Variants in BEST3 observed in about 807,000 individuals in gnomAD.
BEST3 encodes bestrophin 3.
Under a neutral mutation model 47.1 loss-of-function variants are expected in BEST3, and 50 were observed. The ratio of observed to expected loss-of-function variants is 1.06; its 90% CI spans 0.85 to 1.34. The LOEUF (loss-of-function observed/expected upper bound fraction) is 1.34. Among genes scored for constraint, BEST3 ranks in the 40% most tolerant of loss-of-function variants. The pLI is 0.00. For missense variants in BEST3, 765 were observed against 817.0 expected (o/e 0.94, Z 0.78); for synonymous variants, 282 against 298.8 (o/e 0.94, Z 0.58).
intron 7 of BEST3, among the ~76,000 whole-genome samples, chr12:69,673,583 G>A (rs149548474): frequency 5.2e-4 from 79 of 152,136 alleles, no homozygotes; most frequent in Middle Eastern, 3.4e-3. Flanking sequence ...GACTACAGGC[G>A]AGCACTATCA....
chr12:69,694,796 T>G lies in BEST3; in HGVS notation c.153-332A>C, dbSNP rs564909279. Reference sequence around the variant, plus strand: ...ACAAAATAGTTCAGTTTTCAATTATTCATCAGGAATACCTTAAAAAGAGTG... The same window carrying G: ...ACAAAATAGTTCAGTTTTCAATTATGCATCAGGAATACCTTAAAAAGAGTG... On this transcript the variant is annotated intron_variant, in intron 2 of 9. Coordinates refer to ENST00000330891, the MANE Select transcript of BEST3 (RefSeq NM_032735.3). Among the ~76,000 whole-genome samples, 10 of 152,312 alleles carry G rather than the reference T, an allele frequency of 6.6e-5. No individual in the cohort carries two copies. The South Asian group carries it at 2.1e-3, about 32-fold the overall frequency.
At chr12:69,684,437 C>A in intron 4 of BEST3, 1 of 472,506 alleles carries the variant, frequency 2.1e-6, no homozygotes, top group South Asian at 4.9e-5. Flanking sequence ...AAATTCCAGT[C>A]ATCATAGAGA....
chr12:69,665,064 G>A (rs967661966), intron 9 of BEST3, among the ~76,000 whole-genome samples: 1 of 150,256 alleles, frequency 6.7e-6, no homozygotes, highest in Non-Finnish European at 1.5e-5. Context: ...AGTCTTAATG[G>A]CTCTGTCCAA....
intron 4 of BEST3, among the ~76,000 whole-genome samples, chr12:69,690,259 A>G (rs999979304): frequency 2.0e-5 from 3 of 152,246 alleles, no homozygotes; most frequent in African/African-American, 7.2e-5. Flanking sequence ...GGAATGGCAG[A>G]AACATTGGTA....
chr12:69,656,297 C>A (rs1036870005), intron 9 of BEST3, among the ~76,000 whole-genome samples: 1 of 152,058 alleles, frequency 6.6e-6, no homozygotes, highest in African/African-American at 2.4e-5. Flanking sequence ...TATCCCCAGA[C>A]TACACTTTGA....
chr12:69,661,211 G>A (rs887223998), intron 9 of BEST3: 2 of 152,188 alleles, frequency 1.3e-5, no homozygotes, highest in African/African-American at 4.8e-5. Context: ...CCCTTCTCAC[G>A]AGAGTGATTA....
chr12:69,669,354 C>T (rs980312933), intron 9 of BEST3, among the ~76,000 whole-genome samples: 1 of 152,152 alleles, frequency 6.6e-6, no homozygotes, highest in Non-Finnish European at 1.5e-5. Flanking sequence ...TCTAGCAGAT[C>T]GAGTTAAACC....
chr12:69,652,020 C>T (rs1242448652), downstream of BEST3, among the ~76,000 whole-genome samples: 1 of 151,988 alleles, frequency 6.6e-6, no homozygotes, highest in African/African-American at 2.4e-5. Context: ...GTAGACAGGA[C>T]AATAAAGGAA....
At chr12:69,675,586 G>A (rs1884862086) in intron 7 of BEST3, among the ~76,000 whole-genome samples, 2 of 152,182 alleles carry the variant, frequency 1.3e-5, no homozygotes, top group Non-Finnish European at 2.9e-5. Context: ...TTTTGAGAAT[G>A]ATTATTTGGG....
intron 9 of BEST3, among the ~76,000 whole-genome samples, chr12:69,644,031 T>C (rs568236962): frequency 1.3e-5 from 2 of 152,326 alleles, no homozygotes; most frequent in South Asian, 2.1e-4. Flanking sequence ...CTTTGACTAA[T>C]GACAAAGTAC....
chr12:69,677,516 C>T (rs982579012), intron 5 of BEST3, among the ~76,000 whole-genome samples: 3 of 152,214 alleles, frequency 2.0e-5, no homozygotes, highest in African/African-American at 7.2e-5. Context: ...TGTGGTGGCT[C>T]ATGCCTATAA....
chr12:69,675,516 A>T (rs1274145696), intron 7 of BEST3, among the ~76,000 whole-genome samples: 2 of 152,240 alleles, frequency 1.3e-5, no homozygotes, highest in Admixed American at 1.3e-4. Context: ...AGCACCTTAC[A>T]TGGAGACAAA....
Position 69,687,292 on chromosome 12 carries a change from TC to T in BEST3, c.481+6381del, listed in dbSNP as rs1322224238. 2.0e-5 allele frequency: 3 copies of T among 152,178 alleles called. No homozygotes were observed. The East Asian group carries it at 5.8e-4, about 29-fold the overall frequency. The allele number at this position is 152,178 out of a possible 1,614,324, so 9.4% of individuals were successfully genotyped here. On this transcript the variant is annotated intron_variant, in intron 4 of 9. Transcript: ENST00000330891. ...CACTGAAAATTCCAGTGGAGTCTCA[TC>T]AGGCTCCCTGTAGTCATAGAAGACA...
At position 69,655,355 on chromosome 12, in the gene BEST3, T is replaced by A; in HGVS notation, c.1559A>T (p.His520Leu). Residue 520 changes from histidine (H) to leucine (L), a missense_variant, in exon 10 of 10, where the codon CAT (histidine) becomes CTT (leucine). By Grantham distance (99) the His-to-Leu change is moderately conservative. Coordinates refer to ENST00000330891, the MANE Select transcript of BEST3 (RefSeq NM_032735.3). ...APVPTSGGYH[H>L]DSATSILSSE... The stretch of plus-strand genomic sequence containing the variant: ...GCTCAAGATGGAGGTAGCGGAATCA[T>A]GGTGGTAGCCCCCTGATGTGGGCAC... 6.2e-7 allele frequency: 1 copy of A among 1,614,120 alleles called. No individual in the cohort carries two copies. The highest frequency in any genetic ancestry group is 8.5e-7 in the Non-Finnish European group (1 of 1,180,018).
intron 9 of BEST3, among the ~76,000 whole-genome samples, chr12:69,664,886 A>G (rs1884094219): frequency 6.6e-6 from 1 of 152,144 alleles, no homozygotes; most frequent in African/African-American, 2.4e-5. Flanking sequence ...ACCATCATTA[A>G]TTATACAATT....
chr12:69,694,100 G>A (rs1038299387), intron 3 of BEST3, 193 bp from the exon 4 acceptor site: 1 of 585,984 alleles, frequency 1.7e-6, no homozygotes, highest in African/African-American at 1.9e-5. Context: ...CTGTAAGTGG[G>A]TATTAGATCT....
At chr12:69,651,301 A>C (rs116240039), downstream of BEST3, among the ~76,000 whole-genome samples, 656 of 152,328 alleles carry the variant, frequency 4.3e-3, 2 homozygotes, top group African/African-American at 0.015. Context: ...AAGTGAAATG[A>C]GCCAGAAAAG....
chr12:69,654,566 T>C lies in BEST3; in HGVS notation c.*341A>G, dbSNP rs558652649. 3.9e-6 allele frequency: 4 copies of C among 1,024,700 alleles called. No homozygotes were observed. The African/African-American group carries it at 5.1e-5, about 13-fold the overall frequency. The allele number at this position is 1,024,700 out of a possible 1,614,324, so 63.5% of individuals were successfully genotyped here. ...CCTTTGGGTCTAGGGGATTGGACTA[T>C]GATCTATGAGACTCTTTCCACAACT... On this transcript the variant is annotated 3_prime_UTR_variant, in exon 10 of 10. Coordinates refer to ENST00000330891, the MANE Select transcript of BEST3 (RefSeq NM_032735.3).
At chr12:69,657,447 G>GGTGA in intron 9 of BEST3, among the ~76,000 whole-genome samples, 1 of 152,206 alleles carries the variant, frequency 6.6e-6, no homozygotes, top group African/African-American at 2.4e-5. Flanking sequence ...GAATAATTGA[G>GGTGA]GTGAGATAAG....
Sources: allele counts gnomAD v4.1 joint callset (sites outside exome capture counted in the v4.1 genomes callset), GRCh38; gene constraint gnomAD v4.1.1; transcripts MANE v1.5; gene names NCBI Gene and HGNC (gene_info 2026-07-23, HGNC 2026-07-21).